Variants in NPAS3 observed in about 807,000 individuals in gnomAD.
NPAS3 encodes the protein neuronal PAS domain protein 3.
A neutral mutation model predicts 73.1 loss-of-function variants in NPAS3; 14 were observed. The ratio of observed to expected loss-of-function variants is 0.19; its 90% CI spans 0.13 to 0.30. The LOEUF (loss-of-function observed/expected upper bound fraction) is 0.30. NPAS3 is among the 10% of genes least tolerant of loss of function. The pLI is 1.00. For synonymous variants in NPAS3, 620 were observed against 541.5 expected (o/e 1.14, Z -2.01); for missense variants, 1,096 against 1,250.0 (o/e 0.88, Z 1.86).
chr14:33,399,270 G>A (rs553839409), intron 4 of NPAS3, among the ~76,000 whole-genome samples: 2 of 152,182 alleles, frequency 1.3e-5, no homozygotes, highest in Admixed American at 6.6e-5. Flanking sequence ...TAAAATAAGT[G>A]TATTGTTCAT....
chr14:33,442,522 G>A (rs1444621413), intron 4 of NPAS3, among the ~76,000 whole-genome samples: 1 of 152,232 alleles, frequency 6.6e-6, no homozygotes, highest in Non-Finnish European at 1.5e-5. Flanking sequence ...TGTTGTGGGA[G>A]GTAATTGAAT....
intron 6 of NPAS3, among the ~76,000 whole-genome samples, chr14:33,702,313 T>G (rs2140455156): frequency 6.6e-6 from 1 of 152,374 alleles, no homozygotes; most frequent in African/African-American, 2.4e-5. Context: ...AGTGGCTTTC[T>G]ATTGCATTTG....
At chr14:33,031,578 C>T (rs921853307) in intron 1 of NPAS3, among the ~76,000 whole-genome samples, 4 of 152,142 alleles carry the variant, frequency 2.6e-5, no homozygotes, top group African/African-American at 9.7e-5. Context: ...CGGTAGCTTC[C>T]ACCTCCCAGG....
At chr14:32,936,220 C>T (rs999468559), upstream of NPAS3, among the ~76,000 whole-genome samples, 22 of 152,150 alleles carry the variant, frequency 1.4e-4, no homozygotes, top group Non-Finnish European at 2.9e-4. Flanking sequence ...TTTTGCATAA[C>T]ACACTGAGTG....
chr14:33,707,409 G>A (rs1595475932), intron 6 of NPAS3, among the ~76,000 whole-genome samples: 1 of 151,924 alleles, frequency 6.6e-6, no homozygotes, highest in African/African-American at 2.4e-5. Context: ...ACTCAGCGCT[G>A]TGCAAGACCC....
At chr14:33,114,307 A>C (rs1382712988) in intron 2 of NPAS3, among the ~76,000 whole-genome samples, 1 of 152,108 alleles carries the variant, frequency 6.6e-6, no homozygotes, top group Admixed American at 6.6e-5. Context: ...CATTGCTGGG[A>C]TTATAGGCGT....
At chr14:33,784,147 AG>A (rs1333608344) in intron 9 of NPAS3, among the ~76,000 whole-genome samples, 2 of 152,204 alleles carry the variant, frequency 1.3e-5, no homozygotes, top group African/African-American at 4.8e-5. Flanking sequence ...AGTAAGCAAA[AG>A]ATCTTACCGT....
intron 2 of NPAS3, among the ~76,000 whole-genome samples, chr14:33,064,318 C>T (rs1290217939): frequency 1.3e-5 from 2 of 152,052 alleles, no homozygotes; most frequent in Non-Finnish European, 2.9e-5. Flanking sequence ...AGAAGATAAA[C>T]AATTAATATA....
At chr14:32,986,916 G>A (rs2038121778) in intron 1 of NPAS3, among the ~76,000 whole-genome samples, 1 of 152,186 alleles carries the variant, frequency 6.6e-6, no homozygotes, top group African/African-American at 2.4e-5. Context: ...CATTAGGCTG[G>A]AGAAGCTTTT....
At chr14:32,965,262 G>A (rs1425508042) in intron 1 of NPAS3, among the ~76,000 whole-genome samples, 2 of 152,018 alleles carry the variant, frequency 1.3e-5, no homozygotes, top group African/African-American at 4.8e-5. Context: ...ACAACAAAAA[G>A]CAAAAAGGCC....
rs182511721 is a variant in NPAS3, at chr14:33,403,595, A to G, written c.468+36327A>G. Among the ~76,000 whole-genome samples the G allele has an allele frequency of 8.5e-5, 13 of 152,208 alleles. No individual in the cohort carries two copies. In the East Asian group the frequency reaches 2.5e-3, roughly 29 times the overall value. Reference sequence around the variant, plus strand: ...TTGAATGGAGGTACATGGGGTTTGTATTCAATTTCTTCTTTAAATGATTCA... The same window carrying G: ...TTGAATGGAGGTACATGGGGTTTGTGTTCAATTTCTTCTTTAAATGATTCA... On this transcript the variant is annotated intron_variant, in intron 4 of 11. Transcript: ENST00000356141.
rs753158908 is a variant in NPAS3, at chr14:33,800,136, G to T, written c.1829G>T (p.Gly610Val). 3.8e-6 allele frequency: 6 copies of T among 1,583,800 alleles called. No homozygotes were observed. The highest frequency in any genetic ancestry group is 5.1e-6 in the Non-Finnish European group (6 of 1,166,548). The change falls in exon 12 of 12, where the codon GGC becomes GTC. Residue 610 changes from glycine to valine, a missense_variant. Around this residue, in one of 5 missense-constraint regions of NPAS3, gnomAD observed 698 missense variants for 676.7 expected, o/e 1.03. Transcript: ENST00000356141. This position sits in a 1 kb window ranked among gnomAD's most constrained non-coding sequence, Gnocchi z 6.5. ...AAAAGGCGGAAACGGCAAAAGGGCGGCAGCGCCAGCCGCCGGCGCCTGTCC... is the reference window on the plus strand; with the variant it reads ...AAAAGGCGGAAACGGCAAAAGGGCGTCAGCGCCAGCCGCCGGCGCCTGTCC...
chr14:33,735,695 T>C (rs976082943), intron 7 of NPAS3, among the ~76,000 whole-genome samples: 3 of 152,120 alleles, frequency 2.0e-5, no homozygotes, highest in African/African-American at 4.8e-5. Flanking sequence ...TCCACTTCTC[T>C]CGCTTTCCCC....
At chr14:33,127,512 C>T (rs559996856) in intron 2 of NPAS3, among the ~76,000 whole-genome samples, 8 of 152,222 alleles carry the variant, frequency 5.3e-5, no homozygotes, top group Admixed American at 5.2e-4. Flanking sequence ...TGTGTCTCTA[C>T]TTGTGTTACT....
In NPAS3 at chr14:33,799,223, A is replaced by G. The variant is rs1464632067; in HGVS notation, c.1427-511A>G. 3.3e-5 allele frequency among the ~76,000 whole-genome samples: 5 copies of G among 152,292 alleles called. No individual in the cohort carries two copies. In the East Asian group the frequency reaches 9.6e-4, roughly 29 times the overall value. ...TAAGTGCTGTGGGGGAGAATAACTTATGGAATAGAAAGGAGAGTGGCTCTC... is the reference window on the plus strand; with the variant it reads ...TAAGTGCTGTGGGGGAGAATAACTTGTGGAATAGAAAGGAGAGTGGCTCTC... On this transcript the variant is annotated intron_variant, in intron 11 of 11. Transcript: ENST00000356141.
At chr14:33,494,837 T>G (rs184600094) in intron 4 of NPAS3, among the ~76,000 whole-genome samples, 1 of 152,208 alleles carries the variant, frequency 6.6e-6, no homozygotes, top group Non-Finnish European at 1.5e-5. Context: ...AGCTTCATGG[T>G]CAGAGTACCT....
At chr14:33,007,008 T>C (rs2039022949) in intron 1 of NPAS3, among the ~76,000 whole-genome samples, 1 of 151,566 alleles carries the variant, frequency 6.6e-6, no homozygotes, top group African/African-American at 2.4e-5. Flanking sequence ...TAGAGTAAGC[T>C]TGAATTATGA....
At chr14:33,675,435 C>A (rs1356649433) in intron 5 of NPAS3, among the ~76,000 whole-genome samples, 1 of 152,076 alleles carries the variant, frequency 6.6e-6, no homozygotes, top group Non-Finnish European at 1.5e-5. Flanking sequence ...TCATTCTCTG[C>A]CTTTAGAGTT....
intron 4 of NPAS3, among the ~76,000 whole-genome samples, chr14:33,556,110 C>T (rs375365627): frequency 2.0e-5 from 3 of 152,128 alleles, no homozygotes; most frequent in Non-Finnish European, 2.9e-5. Flanking sequence ...GTTCTTAGAT[C>T]GCTACTGCTT....
Sources: allele counts gnomAD v4.1 joint callset (sites outside exome capture counted in the v4.1 genomes callset), GRCh38; gene constraint gnomAD v4.1.1; regional missense constraint gnomAD v4.1.1; non-coding constraint Gnocchi (gnomAD v3.1); transcripts MANE v1.5; gene names NCBI Gene and HGNC (gene_info 2026-07-23, HGNC 2026-07-21).